The following SCN9A variants were observed in gnomAD, a reference collection of about 807,000 sequenced individuals.
SCN9A encodes sodium channel protein type 9 subunit alpha.
In SCN9A, 131 loss-of-function variants were observed where a neutral mutation model predicts 187.0. The ratio of observed to expected loss-of-function variants is 0.70; its 90% CI spans 0.61 to 0.81. The LOEUF (loss-of-function observed/expected upper bound fraction) is 0.81. SCN9A is among the 30% of genes least tolerant of loss of function. The pLI, the probability that SCN9A is intolerant of heterozygous loss-of-function variation, is 0.00. For synonymous variants in SCN9A, 809 were observed against 808.6 expected (o/e 1.00, Z -0.01); for missense variants, 2,252 against 2,396.6 (o/e 0.94, Z 1.26).
At chr2:166,203,331 TA>T (rs1441118252) in intron 26 of SCN9A, among the ~76,000 whole-genome samples, 1 of 151,528 alleles carries the variant, frequency 6.6e-6, no homozygotes, top group Non-Finnish European at 1.5e-5. Flanking sequence ...TATGTGAAAA[TA>T]ACAACAACAA....
Position 166,281,724 on chromosome 2 carries a change from G to A in SCN9A, c.2059C>T (p.Gln687Ter), listed in dbSNP as rs139501019. The change falls in exon 13 of 27, where the codon CAG becomes TAG. Residue 687 changes from glutamine to a stop codon, truncating the protein, a stop_gained. Transcript: ENST00000642356. LOFTEE classifies it high-confidence loss of function. ...ATGCTTGCTCTACTCATTGCTCTCT[G>A]TCTGAGGTTGGGATCATTCAGCATA... ...EDMLNDPNLR[Q>*]RAMSRASILT... 1 of 1,613,208 alleles carries A rather than the reference G, an allele frequency of 6.2e-7. No individual in the cohort carries two copies.
At chr2:166,339,834 G>A (rs984957490) in intron 1 of SCN9A, among the ~76,000 whole-genome samples, 1 of 152,108 alleles carries the variant, frequency 6.6e-6, no homozygotes, top group African/African-American at 2.4e-5. Context: ...TGTAGAATAT[G>A]GAATTTCTCC....
chr2:166,323,613 G>A (rs1699295700), intron 1 of SCN9A, among the ~76,000 whole-genome samples: 1 of 152,024 alleles, frequency 6.6e-6, no homozygotes, highest in Non-Finnish European at 1.5e-5. Flanking sequence ...AGGTCTCAGT[G>A]GCCTCTATTA....
At chr2:166,358,077 TA>T (rs1418326966) in intron 1 of SCN9A, among the ~76,000 whole-genome samples, 1 of 140,204 alleles carries the variant, frequency 7.1e-6, no homozygotes. Context: ...TTTATTTATT[TA>T]TTTATTTTGA....
intron 1 of SCN9A, among the ~76,000 whole-genome samples, chr2:166,324,010 A>G (rs919217585): frequency 1.2e-4 from 18 of 151,182 alleles, no homozygotes; most frequent in African/African-American, 4.1e-4. Context: ...TCACAACTCT[A>G]TATTTTCTTA....
intron 24 of SCN9A, among the ~76,000 whole-genome samples, chr2:166,208,978 T>G (rs1208977617): frequency 6.6e-6 from 1 of 152,214 alleles, no homozygotes; most frequent in African/African-American, 2.4e-5. Flanking sequence ...TCCTTGCCAT[T>G]CAGTGTGCTG....
intron 1 of SCN9A, among the ~76,000 whole-genome samples, chr2:166,317,165 T>A (rs1460088349): frequency 6.6e-6 from 1 of 151,712 alleles, no homozygotes; most frequent in Non-Finnish European, 1.5e-5. Context: ...GTCTTTATAC[T>A]TTACTTTTCA....
At chr2:166,291,311 T>C (rs1308461805) in intron 9 of SCN9A, among the ~76,000 whole-genome samples, 4 of 152,086 alleles carry the variant, frequency 2.6e-5, no homozygotes, top group African/African-American at 9.7e-5. Flanking sequence ...AAATCATGAA[T>C]AAACTCCCAT....
intron 12 of SCN9A, among the ~76,000 whole-genome samples, chr2:166,282,247 C>A (rs1697522868): frequency 6.6e-6 from 1 of 152,092 alleles, no homozygotes. Context: ...TGATAAATTT[C>A]TGGAATTACT....
At chr2:166,281,831 T>C in intron 12 of SCN9A, 23 bp from the exon 13 acceptor site, 1 of 1,594,246 alleles carries the variant, frequency 6.3e-7, no homozygotes, top group Non-Finnish European at 8.5e-7. Flanking sequence ...TCAATTAATG[T>C]CTTAAGAACA....
At position 166,278,329 on chromosome 2, in the gene SCN9A, A is replaced by C. The variant is rs1697328936; in HGVS notation, c.2344-16T>G. On this transcript the variant is annotated splice_polypyrimidine_tract_variant and intron_variant, in intron 14 of 26. Coordinates refer to ENST00000642356, the MANE Select transcript of SCN9A (RefSeq NM_001365536.1). Reference sequence around the variant, plus strand: ...CAGTAAAGACCTAAGTGAGAAAAATAATGTTTTTCTGTTAATATTAGAAAA... The same window carrying C: ...CAGTAAAGACCTAAGTGAGAAAAATCATGTTTTTCTGTTAATATTAGAAAA... 6.4e-7 allele frequency: 1 copy of C among 1,559,334 alleles called. No individual in the cohort carries two copies. The highest frequency in any genetic ancestry group is 8.7e-7 in the Non-Finnish European group (1 of 1,155,366).
intron 1 of SCN9A, among the ~76,000 whole-genome samples, chr2:166,326,293 G>A (rs1699362152): frequency 6.6e-6 from 1 of 152,146 alleles, no homozygotes; most frequent in African/African-American, 2.4e-5. Context: ...GGTGCGAAAC[G>A]ATTGAATCTG....
intron 17 of SCN9A, among the ~76,000 whole-genome samples, chr2:166,263,816 G>A (rs1340993633): frequency 6.6e-6 from 1 of 151,898 alleles, no homozygotes; most frequent in Non-Finnish European, 1.5e-5. Flanking sequence ...CGTGAGTACC[G>A]GGCCAGAGAT....
At position 166,295,384 on chromosome 2, in the gene SCN9A, T is replaced by C. The variant is rs567289678; in HGVS notation, c.902-722A>G. Among the ~76,000 whole-genome samples, 5 of 152,300 alleles carry C rather than the reference T, an allele frequency of 3.3e-5. No homozygotes were observed. The East Asian group carries it at 9.6e-4, about 29-fold the overall frequency. ...TTCTGAGAAATGCATCATTAGGACG[T>C]TTCGTCCTTGTGCAAACATCCTAGG... is the stretch of plus-strand genomic sequence containing the variant. On this transcript the variant is annotated intron_variant, in intron 7 of 26. Coordinates refer to ENST00000642356, the MANE Select transcript of SCN9A (RefSeq NM_001365536.1).
intron 1 of SCN9A, among the ~76,000 whole-genome samples, chr2:166,331,953 G>A (rs911844493): frequency 6.6e-6 from 1 of 151,868 alleles, no homozygotes; most frequent in Non-Finnish European, 1.5e-5. Flanking sequence ...AGAATGAACA[G>A]GTATTTCCCA....
chr2:166,366,356 T>C (rs72884797), intron 1 of SCN9A, among the ~76,000 whole-genome samples: 31,351 of 152,166 alleles, frequency 0.21, 4,083 homozygotes, highest in Non-Finnish European at 0.29. Context: ...AAGATTTCCT[T>C]CTTTTTTTAA....
rs146326064 is a variant in SCN9A at position 166,203,007 on chromosome 2, C to CT, written c.4774+947dup. Among the ~76,000 whole-genome samples the CT allele has an allele frequency of 3.3e-3, 493 of 148,224 alleles. 2 individuals carry two copies. The highest frequency in any genetic ancestry group is 0.011 in the African/African-American group (439 of 40,684). On this transcript the variant is annotated intron_variant, in intron 26 of 26. Transcript: ENST00000642356. ...AAAACAGGGATGATACAGGCACACTCTTTTTTTTTTCCTGACTTAATAGGA... is the reference window on the plus strand; with the variant it reads ...AAAACAGGGATGATACAGGCACACTCTTTTTTTTTTTCCTGACTTAATAGGA...
chr2:166,207,096 G>C (rs182345115), intron 24 of SCN9A, among the ~76,000 whole-genome samples: 17 of 152,262 alleles, frequency 1.1e-4, no homozygotes, highest in African/African-American at 3.4e-4. Context: ...TAAGTTAGCT[G>C]TAAGTTTTAC....
chr2:166,356,334 ACATTCATT>A (rs578090160), intron 1 of SCN9A, among the ~76,000 whole-genome samples: 2 of 152,184 alleles, frequency 1.3e-5, no homozygotes, highest in East Asian at 1.9e-4. Context: ...TTTGCAAAAA[ACATTCATT>A]CATTCATTCA....
Sources: allele counts gnomAD v4.1 joint callset (sites outside exome capture counted in the v4.1 genomes callset), GRCh38; gene constraint gnomAD v4.1.1; transcripts MANE v1.5; gene names NCBI Gene and HGNC (gene_info 2026-07-23, HGNC 2026-07-21).